RFTN1: variants seen among roughly 807,000 people sequenced by gnomAD.
The protein encoded by RFTN1 is raftlin, lipid raft linker 1.
A neutral mutation model predicts 46.5 loss-of-function variants in RFTN1; 26 were observed. The ratio of observed to expected loss-of-function variants is 0.56; its 90% CI spans 0.41 to 0.78. The LOEUF (loss-of-function observed/expected upper bound fraction) is 0.78. Ranked by LOEUF, RFTN1 falls within the 30% of genes least tolerant of loss-of-function variation. The pLI is 0.00. For missense variants in RFTN1, 693 were observed against 718.7 expected (o/e 0.96, Z 0.41); for synonymous variants, 261 against 284.2 (o/e 0.92, Z 0.82).
intron 7 of RFTN1, chr3:16,347,843 T>A (rs1423497437): frequency 6.6e-6 from 1 of 152,244 alleles, no homozygotes; most frequent in Non-Finnish European, 1.5e-5. Context: ...TTACACATGC[T>A]CTTAGGTCAG....
At position 16,429,762 on chromosome 3, in the gene RFTN1, T is replaced by C. The variant is rs1165241773; in HGVS notation, c.332+4089A>G. ...GCATATCCCAAAGCCCAGTTATTTG[T>C]TAAAAATTTTATGTGAACCCTCCAA... On this transcript the variant is annotated intron_variant, in intron 3 of 9. Coordinates refer to ENST00000334133, the MANE Select transcript of RFTN1 (RefSeq NM_015150.2). This position sits in a 1 kb window ranked among gnomAD's most constrained non-coding sequence, Gnocchi z 6.4. Among the ~76,000 whole-genome samples the C allele has an allele frequency of 6.6e-6, 1 of 152,214 alleles. No individual in the cohort carries two copies. The highest frequency in any genetic ancestry group is 1.5e-5 in the Non-Finnish European group (1 of 68,020).
In RFTN1 at chr3:16,484,875, C is replaced by T. The variant is rs576876582; in HGVS notation, c.145+8850G>A. On this transcript the variant is annotated intron_variant, in intron 2 of 9. Coordinates refer to ENST00000334133, the MANE Select transcript of RFTN1 (RefSeq NM_015150.2). The surrounding 1 kb of genome is among the most constrained non-coding windows in gnomAD (Gnocchi z 4.6). ...AATATCTCAATTTATTCTTCTATACCGTGGGGGTGACTCCACCTACCTCAT... is the reference window on the plus strand; with the variant it reads ...AATATCTCAATTTATTCTTCTATACTGTGGGGGTGACTCCACCTACCTCAT... The T allele has an allele frequency of 1.3e-5, 2 of 152,154 alleles. No homozygotes were observed. Among genetic ancestry groups the T allele is most frequent in the Non-Finnish European group, 2.9e-5 (2 of 68,026 alleles). 9.4% of individuals were successfully genotyped at this position (152,154 alleles called of 1,614,324 possible).
At chr3:16,415,937 C>A (rs4685336) in intron 3 of RFTN1, among the ~76,000 whole-genome samples, 43,673 of 151,674 alleles carry the variant, frequency 0.29, 6,265 homozygotes, top group South Asian at 0.32. Flanking sequence ...GGCAGATAAT[C>A]ATATAAATTG....
intron 5 of RFTN1, among the ~76,000 whole-genome samples, chr3:16,375,379 T>C (rs2073726693): frequency 6.6e-6 from 1 of 151,348 alleles, no homozygotes; most frequent in Non-Finnish European, 1.5e-5. Flanking sequence ...TTTAACTATA[T>C]GGGGGTATAA....
At chr3:16,431,128 C>A (rs534863245) in intron 3 of RFTN1, among the ~76,000 whole-genome samples, 1 of 152,206 alleles carries the variant, frequency 6.6e-6, no homozygotes, top group Non-Finnish European at 1.5e-5. Context: ...AAAGATCCAT[C>A]GATGTGCCCC....
intron 2 of RFTN1, among the ~76,000 whole-genome samples, chr3:16,469,590 C>T (rs1025217271): frequency 7.9e-5 from 12 of 152,152 alleles, no homozygotes; most frequent in Non-Finnish European, 1.0e-4. Context: ...TCCAGGATGC[C>T]GCACTGGGGA....
chr3:16,332,806 CTAATCT>C (rs1320205850), intron 7 of RFTN1, among the ~76,000 whole-genome samples: 1 of 15,408 alleles, frequency 6.5e-5, no homozygotes, highest in Non-Finnish European at 1.5e-4. Flanking sequence ...TTATCTTCTT[CTAATCT>C]TTTTGTTCTT....
chr3:16,316,517 G>A lies in RFTN1; in HGVS notation c.*311C>T, dbSNP rs1173525555. 5.0e-6 allele frequency: 2 copies of A among 400,584 alleles called. No individual in the cohort carries two copies. Among genetic ancestry groups the A allele is most frequent in the African/African-American group, 2.1e-5 (1 of 48,166 alleles). 24.8% of individuals were successfully genotyped at this position (400,584 alleles called of 1,614,324 possible). On this transcript the variant is annotated 3_prime_UTR_variant, in exon 10 of 10. Coordinates refer to ENST00000334133, the MANE Select transcript of RFTN1 (RefSeq NM_015150.2). This position sits in a 1 kb window ranked among gnomAD's most constrained non-coding sequence, Gnocchi z 4.5. ...AGGCCCTGTGGCGAGGACAGGCACT[G>A]GATGGTCCAGACCCTCTGGCTGGAG... is the stretch of plus-strand genomic sequence containing the variant.
chr3:16,423,083 G>A (rs1173701452), intron 3 of RFTN1, among the ~76,000 whole-genome samples: 2 of 151,866 alleles, frequency 1.3e-5, no homozygotes, highest in Non-Finnish European at 2.9e-5. Flanking sequence ...CAGGAGAATG[G>A]CGAGAACCCA....
rs1266298269 is a variant in RFTN1 at position 16,433,082 on chromosome 3, AC to A, written c.332+768del. On this transcript the variant is annotated intron_variant, in intron 3 of 9. Transcript: ENST00000334133. The surrounding 1 kb of genome is among the most constrained non-coding windows in gnomAD (Gnocchi z 4.4). ...TCCTTCTATGATAGTTGGCCAAAAG[AC>A]AAATCTGATTTCCTTTCCCAGACTT... is the stretch of plus-strand genomic sequence containing the variant. 6.6e-6 allele frequency among the ~76,000 whole-genome samples: 1 copy of A among 152,192 alleles called. No homozygotes were observed. The highest frequency in any genetic ancestry group is 2.4e-5 in the African/African-American group (1 of 41,440).
chr3:16,434,041 G>T lies in RFTN1; in HGVS notation c.146-4C>A. On this transcript the variant is annotated splice_region_variant and splice_polypyrimidine_tract_variant and intron_variant, in intron 2 of 9. Transcript: ENST00000334133. ...GCTGAGGACCCAGGGAGCTCCGCTG[G>T]AGTGGAGAGAGGAGAGGCTCATCAA... The T allele has an allele frequency of 6.3e-7, 1 of 1,581,754 alleles. No homozygotes were observed. The highest frequency in any genetic ancestry group is 8.6e-7 in the Non-Finnish European group (1 of 1,167,544).
rs1183105385 is a variant in RFTN1 at position 16,446,780 on chromosome 3, G to A, written c.146-12743C>T. Among the ~76,000 whole-genome samples, 6 of 150,236 alleles carry A rather than the reference G, an allele frequency of 4.0e-5. No homozygotes were observed. Among genetic ancestry groups the A allele is most frequent in the African/African-American group, 7.4e-5 (3 of 40,708 alleles). ...TACCCGAGGGTATGAGCACACTTGA[G>A]TTTGGCATCTACACAGGAAACGAGG... is the stretch of plus-strand genomic sequence containing the variant. On this transcript the variant is annotated intron_variant, in intron 2 of 9. Transcript: ENST00000334133. The surrounding 1 kb of genome is among the most constrained non-coding windows in gnomAD (Gnocchi z 4.5).
At chr3:16,430,883 T>C (rs191202597) in intron 3 of RFTN1, among the ~76,000 whole-genome samples, 1 of 152,336 alleles carries the variant, frequency 6.6e-6, no homozygotes, top group East Asian at 1.9e-4. Flanking sequence ...ATTTTTGTCT[T>C]CTGGAAAGTA....
At chr3:16,323,051 C>G (rs1027142411) in intron 9 of RFTN1, among the ~76,000 whole-genome samples, 1 of 152,184 alleles carries the variant, frequency 6.6e-6, no homozygotes, top group African/African-American at 2.4e-5. Context: ...GCCATCCCCA[C>G]CCCATGGTCA....
In RFTN1 at chr3:16,384,854, G is replaced by A. The variant is rs1314796445; in HGVS notation, c.442-6752C>T. On this transcript the variant is annotated intron_variant, in intron 4 of 9. Transcript: ENST00000334133. The surrounding 1 kb of genome is among the most constrained non-coding windows in gnomAD (Gnocchi z 4.7). Reference sequence around the variant, plus strand: ...ACTTGTGGCTAGTGATGACCCCATGGACAGTGCAGGTGTAGAACATATCCA... The same window carrying A: ...ACTTGTGGCTAGTGATGACCCCATGAACAGTGCAGGTGTAGAACATATCCA... Among the ~76,000 whole-genome samples, 1 of 152,134 alleles carries A rather than the reference G, an allele frequency of 6.6e-6. No homozygotes were observed. The highest frequency in any genetic ancestry group is 2.4e-5 in the African/African-American group (1 of 41,410).
At chr3:16,501,568 C>T (rs781522623) in intron 1 of RFTN1, among the ~76,000 whole-genome samples, 8 of 152,176 alleles carry the variant, frequency 5.3e-5, no homozygotes, top group South Asian at 2.1e-4. Flanking sequence ...GCCAACAGCT[C>T]GTGACAAGCA....
chr3:16,471,406 G>A (rs567511038), intron 2 of RFTN1, among the ~76,000 whole-genome samples: 18 of 152,142 alleles, frequency 1.2e-4, no homozygotes, highest in Admixed American at 1.0e-3. Flanking sequence ...AGCCTCTCTG[G>A]ACATCAGTTT....
At position 16,382,424 on chromosome 3, in the gene RFTN1, C is replaced by T. The variant is rs540602515; in HGVS notation, c.442-4322G>A. Among the ~76,000 whole-genome samples, 1 of 152,148 alleles carries T rather than the reference C, an allele frequency of 6.6e-6. No homozygotes were observed. The highest frequency in any genetic ancestry group is 1.5e-5 in the Non-Finnish European group (1 of 68,044). ...TGCTTCTCATTCTTGCATTTATAAC[C>T]TTTACTGAGCCAGTCTCACATTCAT... On this transcript the variant is annotated intron_variant, in intron 4 of 9. Coordinates refer to ENST00000334133, the MANE Select transcript of RFTN1 (RefSeq NM_015150.2). The surrounding 1 kb of genome is among the most constrained non-coding windows in gnomAD (Gnocchi z 4.7).
rs2075816944 is a variant in RFTN1, at chr3:16,451,169, A to T, written c.146-17132T>A. Among the ~76,000 whole-genome samples the T allele has an allele frequency of 6.6e-6, 1 of 152,208 alleles. No homozygotes were observed. The highest frequency in any genetic ancestry group is 6.5e-5 in the Admixed American group (1 of 15,290). On this transcript the variant is annotated intron_variant, in intron 2 of 9. Coordinates refer to ENST00000334133, the MANE Select transcript of RFTN1 (RefSeq NM_015150.2). This position sits in a 1 kb window ranked among gnomAD's most constrained non-coding sequence, Gnocchi z 4.2. The stretch of plus-strand genomic sequence containing the variant: ...CTCAATAGTTAGTGGCTGAGCGCAG[A>T]TGGGCAGATCTGCAAAGGAGGCAGA...
Sources: allele counts gnomAD v4.1 joint callset (sites outside exome capture counted in the v4.1 genomes callset), GRCh38; gene constraint gnomAD v4.1.1; non-coding constraint Gnocchi (gnomAD v3.1); transcripts MANE v1.5; gene names NCBI Gene and HGNC (gene_info 2026-07-23, HGNC 2026-07-21).